The following AGPAT4 variants were observed in gnomAD, a reference collection of about 807,000 sequenced individuals.
AGPAT4 encodes 1-acyl-sn-glycerol-3-phosphate acyltransferase delta.
Under a neutral mutation model 48.0 loss-of-function variants are expected in AGPAT4, and 15 were observed. The observed-to-expected ratio is 0.31, with a 90% CI of 0.21 to 0.48. AGPAT4 has a LOEUF of 0.48. AGPAT4 is among the 20% of genes least tolerant of loss of function. The pLI is 0.99. For synonymous variants in AGPAT4, 178 were observed against 198.7 expected, an observed-to-expected ratio of 0.90 and a Z score of 0.88; for missense variants, 314 against 482.5, an observed-to-expected ratio of 0.65 and a Z score of 3.27.
At chr6:161,203,925 A>G (rs1434791630) in intron 2 of AGPAT4, among the ~76,000 whole-genome samples, 1 of 152,208 alleles carries the variant, frequency 6.6e-6, no homozygotes, top group African/African-American at 2.4e-5. Context: ...CATTGAAAGC[A>G]TTCAATCAGG....
rs1779528134 is a variant in AGPAT4 at position 161,149,509 on chromosome 6, G to T, written c.665-220C>A. 6.6e-6 allele frequency among the ~76,000 whole-genome samples: 1 copy of T among 152,038 alleles called. No homozygotes were observed. Among genetic ancestry groups the T allele is most frequent in the South Asian group, 2.1e-4 (1 of 4,816 alleles). On this transcript the variant is annotated intron_variant, in intron 5 of 8. Coordinates refer to ENST00000320285, the MANE Select transcript of AGPAT4 (RefSeq NM_020133.3). The surrounding 1 kb of genome is among the most constrained non-coding windows in gnomAD (Gnocchi z 6.5). ...CACTAGAACTTAGTAATAGAAAACA[G>T]GGTCATTGCTGAAGTCAGATCATTT...
chr6:161,180,804 A>G lies in AGPAT4; in HGVS notation c.179-14387T>C, dbSNP rs3798925. 0.065 allele frequency among the ~76,000 whole-genome samples: 9,902 copies of G among 152,142 alleles called. 345 individuals carry two copies. The highest frequency in any genetic ancestry group is 0.12 in the Middle Eastern group (35 of 294). On this transcript the variant is annotated intron_variant, in intron 2 of 8. Transcript: ENST00000320285. This position sits in a 1 kb window ranked among gnomAD's most constrained non-coding sequence, Gnocchi z 6.4. ...TCACACTCACAACACCCTCACCTGGAGGTCAGTCGTCAAGTTACAGGGTGC... is the reference window on the plus strand; with the variant it reads ...TCACACTCACAACACCCTCACCTGGGGGTCAGTCGTCAAGTTACAGGGTGC...
rs1038538318 is a variant in AGPAT4, at chr6:161,189,062, G to C, written c.179-22645C>G. Among the ~76,000 whole-genome samples, 2 of 152,166 alleles carry C rather than the reference G, an allele frequency of 1.3e-5. No homozygotes were observed. The highest frequency in any genetic ancestry group is 4.8e-5 in the African/African-American group (2 of 41,432). ...TTAGTAATTTTGAAGTAATAAATCT[G>C]TGCCTATTTTATATCCCCATCTTTA... On this transcript the variant is annotated intron_variant, in intron 2 of 8. Coordinates refer to ENST00000320285, the MANE Select transcript of AGPAT4 (RefSeq NM_020133.3). This position sits in a 1 kb window ranked among gnomAD's most constrained non-coding sequence, Gnocchi z 5.3.
intron 1 of AGPAT4, among the ~76,000 whole-genome samples, chr6:161,250,589 T>C (rs1388172134): frequency 1.3e-5 from 2 of 152,274 alleles, no homozygotes; most frequent in African/African-American, 2.4e-5. Context: ...CCTTTTTTTT[T>C]CCTGAATTTT....
intron 1 of AGPAT4, among the ~76,000 whole-genome samples, chr6:161,269,232 C>G (rs191242815): frequency 4.6e-5 from 7 of 152,016 alleles, no homozygotes; most frequent in Middle Eastern, 3.4e-3. Context: ...AATACACAAG[C>G]CTTCTCTTCC....
rs931126981 is a variant in AGPAT4, at chr6:161,149,090, A to G, written c.767+97T>C. The G allele has an allele frequency of 4.8e-6, 7 of 1,443,462 alleles. No homozygotes were observed. The African/African-American group carries it at 1.0e-4, about 21-fold the overall frequency. The allele number at this position is 1,443,462 out of a possible 1,614,324, so 89.4% of individuals were successfully genotyped here. A position where few individuals can be genotyped will look rare whatever the true frequency, so the allele number is the denominator to read the frequency against. On this transcript the variant is annotated intron_variant, in intron 6 of 8. Transcript: ENST00000320285. The surrounding 1 kb of genome is among the most constrained non-coding windows in gnomAD (Gnocchi z 6.5). ...AACAGACTGCAAAGAAGTCAGTGTG[A>G]CCCAGGGATCCCTGGAAGAAAGTCT...
At chr6:161,187,681 C>T (rs1780810035) in intron 2 of AGPAT4, among the ~76,000 whole-genome samples, 1 of 152,044 alleles carries the variant, frequency 6.6e-6, no homozygotes, top group African/African-American at 2.4e-5. Flanking sequence ...GCTGGGATTA[C>T]AGGTGTCCAC....
Position 161,146,063 on chromosome 6 carries a change from C to G in AGPAT4, c.843+461G>C, listed in dbSNP as rs1475142186. On this transcript the variant is annotated intron_variant, in intron 7 of 8. Transcript: ENST00000320285. The surrounding 1 kb of genome is among the most constrained non-coding windows in gnomAD (Gnocchi z 7.1). ...AACTGGACCACAGACAGGAACAGGA[C>G]AGGGGGCACCACAGCAGGTTCGAAC... Among the ~76,000 whole-genome samples, 1 of 151,602 alleles carries G rather than the reference C, an allele frequency of 6.6e-6. No individual in the cohort carries two copies. Among genetic ancestry groups the G allele is most frequent in the Non-Finnish European group, 1.5e-5 (1 of 68,024 alleles).
Position 161,161,894 on chromosome 6 carries a change from G to T in AGPAT4, c.348+4354C>A. On this transcript the variant is annotated intron_variant, in intron 3 of 8. Transcript: ENST00000320285. This position sits in a 1 kb window ranked among gnomAD's most constrained non-coding sequence, Gnocchi z 4.6. ...CCCTCACGCACAGGCACTCTGCCTA[G>T]GAGGGATAATGCCACTCTCCTCCTC... 1 of 214,260 alleles carries T rather than the reference G, an allele frequency of 4.7e-6. No homozygotes were observed. Among genetic ancestry groups the T allele is most frequent in the South Asian group, 8.3e-5 (1 of 12,000 alleles). The allele number at this position is 214,260 out of a possible 1,614,324, so 13.3% of individuals were successfully genotyped here. A position where few individuals can be genotyped will look rare whatever the true frequency, so the allele number is the denominator to read the frequency against.
intron 1 of AGPAT4, among the ~76,000 whole-genome samples, chr6:161,256,956 C>T (rs984329204): frequency 1.2e-4 from 18 of 152,190 alleles, no homozygotes; most frequent in East Asian, 3.9e-4. Context: ...ACGTTGGAGA[C>T]GCCTGTTGCG....
intron 1 of AGPAT4, among the ~76,000 whole-genome samples, chr6:161,253,993 T>A (rs1782873992): frequency 6.6e-6 from 1 of 152,236 alleles, no homozygotes; most frequent in South Asian, 2.1e-4. Context: ...CCTCTGATTT[T>A]ACTATATATT....
rs375187447 is a variant in AGPAT4, at chr6:161,195,421, C to T, written c.179-29004G>A. Among the ~76,000 whole-genome samples the T allele has an allele frequency of 4.9e-4, 75 of 152,216 alleles. No individual in the cohort carries two copies. The highest frequency in any genetic ancestry group is 1.5e-3 in the African/African-American group (64 of 41,462). On this transcript the variant is annotated intron_variant, in intron 2 of 8. Transcript: ENST00000320285. The surrounding 1 kb of genome is among the most constrained non-coding windows in gnomAD (Gnocchi z 5.0). ...ATGGCATGACCTGCAAGGAATGCTT[C>T]CATCATTCCAAGATTTAAAGCCACC...
Position 161,131,733 on chromosome 6 carries a change from G to C in AGPAT4, c.*4807C>G, listed in dbSNP as rs915883147. Reference sequence around the variant, plus strand: ...CAGTAATTTCAAACAGTTGAATGTCGTGATCGATACTATGTCAGTTGGTGA... The same window carrying C: ...CAGTAATTTCAAACAGTTGAATGTCCTGATCGATACTATGTCAGTTGGTGA... On this transcript the variant is annotated 3_prime_UTR_variant, in exon 9 of 9. Coordinates refer to ENST00000320285, the MANE Select transcript of AGPAT4 (RefSeq NM_020133.3). The C allele has an allele frequency of 1.3e-5, 2 of 152,328 alleles. No homozygotes were observed. Among genetic ancestry groups the C allele is most frequent in the East Asian group, 1.9e-4 (1 of 5,188 alleles). 9.4% of individuals were successfully genotyped at this position (152,328 alleles called of 1,614,324 possible). A position where few individuals can be genotyped will look rare whatever the true frequency, so the allele number is the denominator to read the frequency against.
Position 161,232,033 on chromosome 6 carries a change from T to TA in AGPAT4, c.178+2dup. On this transcript the variant is annotated splice_region_variant and intron_variant, in intron 2 of 8. Coordinates refer to ENST00000320285, the MANE Select transcript of AGPAT4 (RefSeq NM_020133.3). This position sits in a 1 kb window ranked among gnomAD's most constrained non-coding sequence, Gnocchi z 6.8. ...CGAAAATATAGAATCTTAAGTATCT[T>TA]ACGGCTTGAGATGCAATAGGACAGT... 2 of 1,613,876 alleles carry TA rather than the reference T, an allele frequency of 1.2e-6. No homozygotes were observed. The highest frequency in any genetic ancestry group is 1.7e-6 in the Non-Finnish European group (2 of 1,179,812).
Position 161,140,514 on chromosome 6 carries a change from C to T in AGPAT4, c.844-894G>A, listed in dbSNP as rs16892198. ...CCCACATAAATGCACTGCGAAAGAA[C>T]GCGGTGGCTCTTCCCTGGGTGTCTC... On this transcript the variant is annotated intron_variant, in intron 7 of 8. Transcript: ENST00000320285. This position sits in a 1 kb window ranked among gnomAD's most constrained non-coding sequence, Gnocchi z 6.5. Among the ~76,000 whole-genome samples the T allele has an allele frequency of 6.5e-3, 991 of 152,342 alleles. 12 individuals carry two copies. The highest frequency in any genetic ancestry group is 0.023 in the African/African-American group (942 of 41,586).
At chr6:161,173,257 T>C (rs1780331002) in intron 2 of AGPAT4, among the ~76,000 whole-genome samples, 2 of 152,186 alleles carry the variant, frequency 1.3e-5, no homozygotes, top group Admixed American at 1.3e-4. Context: ...TACAGTCCCA[T>C]CAACAGTGTA....
intron 2 of AGPAT4, among the ~76,000 whole-genome samples, chr6:161,187,185 T>G (rs1397820858): frequency 6.6e-6 from 1 of 152,272 alleles, no homozygotes; most frequent in Non-Finnish European, 1.5e-5. Context: ...GGCAATGATG[T>G]TGGTGGTCAC....
intron 2 of AGPAT4, among the ~76,000 whole-genome samples, chr6:161,187,203 C>T (rs1331604323): frequency 6.6e-6 from 1 of 152,168 alleles, no homozygotes; most frequent in African/African-American, 2.4e-5. Flanking sequence ...CACCTTTTTC[C>T]CGGAACCTCT....
intron 3 of AGPAT4, among the ~76,000 whole-genome samples, chr6:161,162,621 G>A (rs112398748): frequency 5.3e-5 from 8 of 152,188 alleles, no homozygotes; most frequent in African/African-American, 1.9e-4. Flanking sequence ...GGACCTTTAT[G>A]ACACGCTTGT....
Sources: allele counts gnomAD v4.1 joint callset (sites outside exome capture counted in the v4.1 genomes callset), GRCh38; gene constraint gnomAD v4.1.1; non-coding constraint Gnocchi (gnomAD v3.1); transcripts MANE v1.5; gene names NCBI Gene and HGNC (gene_info 2026-07-23, HGNC 2026-07-21).